The following CADM2 variants were observed in gnomAD, a reference collection of about 807,000 sequenced individuals.
The protein encoded by CADM2 is cell adhesion molecule 2, also known as immunoglobulin superfamily member 4D.
Under a neutral mutation model 49.8 loss-of-function variants are expected in CADM2, and 12 were observed. The observed-to-expected ratio is 0.24, with a 90% confidence interval of 0.15 to 0.39. The LOEUF (loss-of-function observed/expected upper bound fraction) is 0.39. Ranked by LOEUF, CADM2 falls within the 10% of genes least tolerant of loss-of-function variation. The probability of loss-of-function intolerance (pLI) is 1.00; values close to 1 mark genes in which losing one functional copy is unlikely to be tolerated. For synonymous variants in CADM2, 214 were observed against 175.4 expected, an observed-to-expected ratio of 1.22 and a Z score of -1.74; for missense variants, 378 against 492.3, an observed-to-expected ratio of 0.77 and a Z score of 2.20.
intron 1 of CADM2, among the ~76,000 whole-genome samples, chr3:85,522,178 C>T (rs1441425565): frequency 6.6e-6 from 1 of 152,058 alleles, no homozygotes; most frequent in Non-Finnish European, 1.5e-5. Flanking sequence ...GTATACATCA[C>T]GATATTATCC....
intron 8 of CADM2, among the ~76,000 whole-genome samples, chr3:86,007,834 G>A (rs1730978686): frequency 6.6e-6 from 1 of 152,042 alleles, no homozygotes; most frequent in Non-Finnish European, 1.5e-5. Context: ...AATAATGAAA[G>A]GCCATGGCAT....
chr3:85,982,692 G>A (rs866402513), intron 8 of CADM2, among the ~76,000 whole-genome samples: 2 of 151,396 alleles, frequency 1.3e-5, no homozygotes, highest in Non-Finnish European at 3.0e-5. Flanking sequence ...ATTATGTGAC[G>A]TTGTTTCTTT....
chr3:85,522,964 A>T (rs972410823), intron 1 of CADM2, among the ~76,000 whole-genome samples: 1 of 151,254 alleles, frequency 6.6e-6, no homozygotes, highest in Admixed American at 6.6e-5. Flanking sequence ...AAGAAACAGG[A>T]CCACATTATT....
chr3:86,015,671 T>C (rs1295017147), intron 8 of CADM2, among the ~76,000 whole-genome samples: 1 of 152,196 alleles, frequency 6.6e-6, no homozygotes, highest in Non-Finnish European at 1.5e-5. Context: ...CAAATGACAG[T>C]TAAAATTTGA....
At chr3:85,701,957 T>C (rs1396698256) in intron 1 of CADM2, among the ~76,000 whole-genome samples, 5 of 145,506 alleles carry the variant, frequency 3.4e-5, no homozygotes, top group Admixed American at 2.8e-4. Context: ...TAAAGATAGA[T>C]GTAGATAGAT....
chr3:85,213,488 A>G (rs1197094506), intron 1 of CADM2, among the ~76,000 whole-genome samples: 2 of 152,028 alleles, frequency 1.3e-5, no homozygotes, highest in African/African-American at 4.8e-5. Context: ...CGTTGCTTTT[A>G]GAATCCTTTC....
intron 8 of CADM2, among the ~76,000 whole-genome samples, chr3:86,021,897 G>A (rs754665651): frequency 6.6e-6 from 1 of 152,118 alleles, no homozygotes; most frequent in African/African-American, 2.4e-5. Context: ...CAAGTCTAGA[G>A]ATCTAATACA....
At chr3:85,273,935 T>C (rs1167810517) in intron 1 of CADM2, among the ~76,000 whole-genome samples, 1 of 151,286 alleles carries the variant, frequency 6.6e-6, no homozygotes, top group African/African-American at 2.4e-5. Context: ...AAGATAAGAT[T>C]GAAGCATCAA....
chr3:85,575,205 T>C (rs1160750184), intron 1 of CADM2, among the ~76,000 whole-genome samples: 1 of 152,186 alleles, frequency 6.6e-6, no homozygotes, highest in Admixed American at 6.5e-5. Context: ...GCTTACTCTA[T>C]TTTCAATTAG....
intron 1 of CADM2, among the ~76,000 whole-genome samples, chr3:85,549,049 G>T (rs2061734703): frequency 6.6e-6 from 1 of 152,140 alleles, no homozygotes; most frequent in Non-Finnish European, 1.5e-5. Context: ...AAGAAAACCT[G>T]GTCCTATGAA....
chr3:85,502,045 G>C (rs2040140161), intron 1 of CADM2, among the ~76,000 whole-genome samples: 2 of 152,092 alleles, frequency 1.3e-5, no homozygotes, highest in African/African-American at 4.8e-5. Flanking sequence ...AAGAATGAGA[G>C]AGTAGTGACT....
chr3:85,763,001 C>T (rs530392313), intron 2 of CADM2, among the ~76,000 whole-genome samples: 32 of 152,052 alleles, frequency 2.1e-4, no homozygotes, highest in African/African-American at 7.2e-4. Flanking sequence ...TCTAATTTCT[C>T]ATTATTACAA....
At chr3:85,776,457 T>A (rs1432697092) in intron 2 of CADM2, among the ~76,000 whole-genome samples, 1 of 152,002 alleles carries the variant, frequency 6.6e-6, no homozygotes, top group East Asian at 1.9e-4. Context: ...TTTAATATTA[T>A]TTAAAAACCC....
At chr3:85,344,192 G>T (rs1319965575) in intron 1 of CADM2, among the ~76,000 whole-genome samples, 1 of 151,506 alleles carries the variant, frequency 6.6e-6, no homozygotes, top group African/African-American at 2.4e-5. Flanking sequence ...TGGCTAACAC[G>T]GTGAAACCCC....
chr3:85,330,426 AAAGT>A (rs2044884847), intron 1 of CADM2, among the ~76,000 whole-genome samples: 1 of 152,168 alleles, frequency 6.6e-6, no homozygotes, highest in Non-Finnish European at 1.5e-5. Context: ...AAATGTTTTA[AAAGT>A]ACTTGAAAGG....
At chr3:85,398,971 T>C (rs2107429898) in intron 1 of CADM2, among the ~76,000 whole-genome samples, 1 of 152,342 alleles carries the variant, frequency 6.6e-6, no homozygotes, top group South Asian at 2.1e-4. Flanking sequence ...ACTCTCATGC[T>C]AGTTTCTTTT....
At chr3:85,620,874 A>C (rs186959824) in intron 1 of CADM2, among the ~76,000 whole-genome samples, 7 of 152,242 alleles carry the variant, frequency 4.6e-5, no homozygotes, top group Admixed American at 3.3e-4. Flanking sequence ...AAGTATCTCT[A>C]AAACTTGAAA....
intron 1 of CADM2, among the ~76,000 whole-genome samples, chr3:85,426,763 A>G (rs144704905): frequency 6.6e-6 from 1 of 152,264 alleles, no homozygotes; most frequent in African/African-American, 2.4e-5. Flanking sequence ...ATGTTTCTGT[A>G]AAGTAGAGGA....
At chr3:85,564,845 C>G (rs1291048717) in intron 1 of CADM2, among the ~76,000 whole-genome samples, 1 of 151,996 alleles carries the variant, frequency 6.6e-6, no homozygotes, top group African/African-American at 2.4e-5. Context: ...AACTCATCTT[C>G]TAAATGTGAG....
Sources: gnomAD v4.1 joint callset for allele counts (sites outside exome capture counted in the v4.1 genomes callset) on GRCh38, gnomAD v4.1.1 for gene constraint, MANE v1.5 for transcripts, NCBI Gene and HGNC (gene_info 2026-07-23, HGNC 2026-07-21) for gene names.